NCOA1: variants seen among roughly 807,000 people sequenced by gnomAD.
NCOA1 encodes nuclear receptor coactivator 1.
Under a neutral mutation model 150.9 loss-of-function variants are expected in NCOA1, and 35 were observed. That is an observed-to-expected ratio of 0.23 (90% CI 0.18 to 0.31). The LOEUF (loss-of-function observed/expected upper bound fraction) is 0.31, where lower values mean the gene tolerates loss of function less well. Among genes scored for constraint, NCOA1 ranks in the 10% least tolerant of loss-of-function variants. The probability of loss-of-function intolerance (pLI) is 1.00; values close to 1 mark genes in which losing one functional copy is unlikely to be tolerated. For synonymous variants in NCOA1, 590 were observed against 630.0 expected (o/e 0.94, Z 0.95); for missense variants, 1,491 against 1,749.3 (o/e 0.85, Z 2.63).
intron 11 of NCOA1, among the ~76,000 whole-genome samples, chr2:24,699,119 T>G (rs1673036174): frequency 6.6e-6 from 1 of 152,192 alleles, no homozygotes; most frequent in African/African-American, 2.4e-5. Context: ...GGATGTGAAC[T>G]TTGTGATTTC....
chr2:24,645,285 A>C (rs1168337077), intron 4 of NCOA1, among the ~76,000 whole-genome samples: 1 of 150,210 alleles, frequency 6.7e-6, no homozygotes, highest in Non-Finnish European at 1.5e-5. Flanking sequence ...AGGTCAGGAG[A>C]TTGAGACCAT....
intron 6 of NCOA1, among the ~76,000 whole-genome samples, chr2:24,669,092 T>C (rs1271520462): frequency 6.6e-6 from 1 of 152,138 alleles, no homozygotes; most frequent in African/African-American, 2.4e-5. Context: ...AAATAAATTA[T>C]TTACCTTTCA....
chr2:24,565,120 A>G (rs1666444350), intron 2 of NCOA1, among the ~76,000 whole-genome samples: 1 of 152,234 alleles, frequency 6.6e-6, no homozygotes, highest in African/African-American at 2.4e-5. Flanking sequence ...TTAACTAAAG[A>G]ATCAGGTGAC....
At chr2:24,517,004 G>A (rs796795235) in intron 1 of NCOA1, among the ~76,000 whole-genome samples, 5,910 of 83,904 alleles carry the variant, frequency 0.07, 284 homozygotes, top group East Asian at 0.28. Flanking sequence ...ACACACGCGC[G>A]CACACACACA....
chr2:24,614,313 G>C (rs1376210652), intron 3 of NCOA1, among the ~76,000 whole-genome samples: 1 of 144,160 alleles, frequency 6.9e-6, no homozygotes, highest in Non-Finnish European at 1.5e-5. Context: ...AACCACCTGG[G>C]GTCAGGGGAT....
intron 11 of NCOA1, among the ~76,000 whole-genome samples, chr2:24,699,096 A>C (rs1423996029): frequency 1.3e-5 from 2 of 152,158 alleles, no homozygotes; most frequent in Non-Finnish European, 2.9e-5. Context: ...ATAAGTAACT[A>C]ATGCCGTCCA....
At chr2:24,507,434 G>GTTTTTTTTTTTT (rs1320439565) in intron 1 of NCOA1, among the ~76,000 whole-genome samples, 1 of 60,746 alleles carries the variant, frequency 1.6e-5, no homozygotes. Flanking sequence ...TGAGCTGCTG[G>GTTTTTTTTTTTT]GTTTTTTTTT....
intron 18 of NCOA1, among the ~76,000 whole-genome samples, chr2:24,740,011 C>T (rs368766622): frequency 2.0e-5 from 3 of 151,420 alleles, no homozygotes; most frequent in African/African-American, 7.3e-5. Context: ...GAACTTTAAA[C>T]ATAAAAAGAA....
At chr2:24,544,964 T>A (rs1572402563) in intron 1 of NCOA1, among the ~76,000 whole-genome samples, 1 of 152,154 alleles carries the variant, frequency 6.6e-6, no homozygotes, top group African/African-American at 2.4e-5. Context: ...TGGTACTGAA[T>A]TAGAGTTTGA....
At chr2:24,538,637 C>A (rs1170259997) in intron 1 of NCOA1, among the ~76,000 whole-genome samples, 1 of 152,166 alleles carries the variant, frequency 6.6e-6, no homozygotes, top group African/African-American at 2.4e-5. Context: ...TCTGTATATA[C>A]TTTTATTCTA....
chr2:24,715,560 G>C (rs918928203), intron 14 of NCOA1, among the ~76,000 whole-genome samples: 3 of 152,134 alleles, frequency 2.0e-5, no homozygotes, highest in Non-Finnish European at 4.4e-5. Context: ...CACAATATGT[G>C]TACTCAGTAT....
chr2:24,557,655 AG>A (rs1158567118), intron 1 of NCOA1, among the ~76,000 whole-genome samples: 2 of 151,964 alleles, frequency 1.3e-5, no homozygotes, highest in African/African-American at 4.8e-5. Flanking sequence ...GAATTATCTC[AG>A]GTATTATTAG....
At chr2:24,673,269 G>A (rs1331363586) in intron 6 of NCOA1, 97 bp from the exon 7 acceptor site, 10 of 737,740 alleles carry the variant, frequency 1.4e-5, no homozygotes, top group Non-Finnish European at 1.9e-5. Context: ...AATGTTATTT[G>A]AATTTGAAAT....
At chr2:24,693,148 C>G (rs1044953550) in intron 9 of NCOA1, 104 bp from the exon 10 acceptor site, 1 of 1,134,120 alleles carries the variant, frequency 8.8e-7, no homozygotes, top group Non-Finnish European at 1.3e-6. Context: ...GCCACCACGT[C>G]TGGCCAACAT....
chr2:24,502,746 C>G (rs1425585932), intron 1 of NCOA1, among the ~76,000 whole-genome samples: 1 of 152,078 alleles, frequency 6.6e-6, no homozygotes, highest in African/African-American at 2.4e-5. Flanking sequence ...TGTTATTTTC[C>G]AAGGAATGTT....
At chr2:24,600,852 C>T (rs115828867) in intron 3 of NCOA1, among the ~76,000 whole-genome samples, 2,071 of 152,248 alleles carry the variant, frequency 0.014, 48 homozygotes, top group African/African-American at 0.048. Flanking sequence ...TTATATGATA[C>T]GCATAGAATG....
At chr2:24,643,203 G>A (rs1452687995) in intron 3 of NCOA1, among the ~76,000 whole-genome samples, 4 of 152,136 alleles carry the variant, frequency 2.6e-5, no homozygotes, top group Non-Finnish European at 4.4e-5. Context: ...ATTCTTTAAT[G>A]CCTCAAGCCA....
At chr2:24,570,875 A>G (rs968322230) in intron 2 of NCOA1, among the ~76,000 whole-genome samples, 1 of 152,226 alleles carries the variant, frequency 6.6e-6, no homozygotes, top group Non-Finnish European at 1.5e-5. Flanking sequence ...GGGAGAAAAA[A>G]GAGAAACGGA....
At chr2:24,497,097 A>C (rs2148064984) in intron 1 of NCOA1, among the ~76,000 whole-genome samples, 1 of 152,312 alleles carries the variant, frequency 6.6e-6, no homozygotes, top group African/African-American at 2.4e-5. Flanking sequence ...TTTATAAATG[A>C]GGAAACAAGG....
Sources: gnomAD v4.1 joint callset for allele counts (sites outside exome capture counted in the v4.1 genomes callset) on GRCh38, gnomAD v4.1.1 for gene constraint, MANE v1.5 for transcripts, NCBI Gene and HGNC (gene_info 2026-07-23, HGNC 2026-07-21) for gene names.